The following CPSF3 variants were observed in gnomAD, a reference collection of about 807,000 sequenced individuals.
CPSF3 encodes the protein cleavage and polyadenylation specificity factor subunit 3.
CPSF3 carries 57 observed loss-of-function variants against 84.1 expected under a neutral mutation model. That is an observed-to-expected ratio of 0.68 (90% confidence interval 0.55 to 0.85). The LOEUF is 0.85. CPSF3 is among the 40% of genes least tolerant of loss of function. The probability of loss-of-function intolerance (pLI) is 0.00; values close to 1 mark genes in which losing one functional copy is unlikely to be tolerated. For synonymous variants in CPSF3, 275 were observed against 278.1 expected (o/e 0.99, Z 0.11); for missense variants, 522 against 838.8 (o/e 0.62, Z 4.66).
At position 9,430,854 on chromosome 2, in the gene CPSF3, G is replaced by C; in HGVS notation, c.315G>C (p.Trp105Cys). ...ATGCCACAAAAGCTATTTATAGATG[G>C]CTTCTTTCTGATTATGTCAAAGTTA... ...MTHATKAIYR[W>C]LLSDYVKVSN... is the part of the protein sequence containing the mutation. The change falls in exon 4 of 18, where the codon TGG becomes TGC. Residue 105 changes from tryptophan to cysteine, a missense_variant. Around this residue, in one of 2 missense-constraint regions of CPSF3, gnomAD observed 329 missense variants for 607.2 expected, o/e 0.54. Coordinates refer to ENST00000238112, the MANE Select transcript of CPSF3 (RefSeq NM_016207.4). The C allele has an allele frequency of 6.2e-7, 1 of 1,612,750 alleles. No individual in the cohort carries two copies. Among genetic ancestry groups the C allele is most frequent in the Non-Finnish European group, 8.5e-7 (1 of 1,179,002 alleles).
intron 15 of CPSF3, among the ~76,000 whole-genome samples, chr2:9,464,486 G>T (rs1681836090): frequency 6.6e-6 from 1 of 151,910 alleles, no homozygotes. Context: ...AGTAATTAAT[G>T]AAACTAATGA....
intron 7 of CPSF3, among the ~76,000 whole-genome samples, chr2:9,436,640 C>T (rs552139924): frequency 3.3e-5 from 5 of 152,140 alleles, no homozygotes. Context: ...GGCACAGTGA[C>T]AGATGCCTGT....
intron 16 of CPSF3, among the ~76,000 whole-genome samples, chr2:9,469,831 G>A (rs1558468354): frequency 6.6e-6 from 1 of 152,220 alleles, no homozygotes; most frequent in Non-Finnish European, 1.5e-5. Context: ...AGGAGTAGAT[G>A]TATTGGTTTC....
chr2:9,429,088 C>A (rs1000032243), intron 2 of CPSF3, among the ~76,000 whole-genome samples: 1 of 152,200 alleles, frequency 6.6e-6, no homozygotes, highest in African/African-American at 2.4e-5. Context: ...CTCTTCCACT[C>A]CTGAAGGGTT....
chr2:9,460,772 G>A (rs1031519150), intron 15 of CPSF3, among the ~76,000 whole-genome samples: 2 of 149,998 alleles, frequency 1.3e-5, no homozygotes, highest in Admixed American at 6.7e-5. Context: ...TCAGCCTCCT[G>A]AGTGGCTGAG....
intron 9 of CPSF3, 151 bp downstream of exon 9, chr2:9,442,127 C>T (rs753180061): frequency 1.2e-4 from 87 of 743,868 alleles, no homozygotes; most frequent in Non-Finnish European, 1.8e-4. Flanking sequence ...TAGAGATGTG[C>T]GTAGGATGTA....
chr2:9,465,542 TACACACACAC>T (rs59250489), intron 15 of CPSF3, among the ~76,000 whole-genome samples: 3 of 149,768 alleles, frequency 2.0e-5, no homozygotes, highest in African/African-American at 7.3e-5. Flanking sequence ...CCCCATATCA[TACACACACAC>T]ACACACACAC....
chr2:9,448,428 T>C, intron 11 of CPSF3, 78 bp downstream of exon 11: 1 of 1,185,768 alleles, frequency 8.4e-7, no homozygotes, highest in East Asian at 2.4e-5. Context: ...AAAATAGATC[T>C]TTAGTCAAAA....
chr2:9,461,813 G>T (rs1681736452), intron 15 of CPSF3, among the ~76,000 whole-genome samples: 1 of 142,524 alleles, frequency 7.0e-6, no homozygotes, highest in South Asian at 2.2e-4. Flanking sequence ...CCAGGCTGGA[G>T]TACAGTGGCA....
chr2:9,461,240 T>G (rs1681714976), intron 15 of CPSF3, among the ~76,000 whole-genome samples: 1 of 152,216 alleles, frequency 6.6e-6, no homozygotes, highest in South Asian at 2.1e-4. Flanking sequence ...GAGACAGCTG[T>G]GCATATATAT....
intron 16 of CPSF3, among the ~76,000 whole-genome samples, chr2:9,469,265 G>A (rs962108155): frequency 6.6e-6 from 1 of 152,132 alleles, no homozygotes; most frequent in African/African-American, 2.4e-5. Flanking sequence ...TGGGGCGGGG[G>A]CAGGGGACAC....
chr2:9,432,722 G>A, intron 5 of CPSF3, 34 bp downstream of exon 5: 1 of 1,475,284 alleles, frequency 6.8e-7, no homozygotes, highest in Non-Finnish European at 9.1e-7. Context: ...TCTCCCCAGA[G>A]AAATCAGTAC....
At chr2:9,456,614 A>G (rs1681539235) in intron 13 of CPSF3, among the ~76,000 whole-genome samples, 1 of 152,210 alleles carries the variant, frequency 6.6e-6, no homozygotes, top group Non-Finnish European at 1.5e-5. Context: ...ACAATTGACA[A>G]ATTTTATGTT....
chr2:9,473,020 C>T lies in CPSF3; in HGVS notation c.*3C>T. On this transcript the variant is annotated 3_prime_UTR_variant, in exon 18 of 18. Transcript: ENST00000238112. ...AGGCCCTGACGCCAGTTCACTGAGA[C>T]TGTGCCTGTATATGAACTTTGAAAA... The T allele has an allele frequency of 6.2e-7, 1 of 1,605,930 alleles. No individual in the cohort carries two copies. Among genetic ancestry groups the T allele is most frequent in the Non-Finnish European group, 8.5e-7 (1 of 1,173,078 alleles).
intron 7 of CPSF3, among the ~76,000 whole-genome samples, chr2:9,439,197 A>T (rs779226573): frequency 6.6e-6 from 1 of 152,256 alleles, no homozygotes; most frequent in Admixed American, 6.5e-5. Context: ...TTCACACAAT[A>T]ATCAGCCTTT....
chr2:9,455,743 T>C lies in CPSF3; in HGVS notation c.1589T>C (p.Leu530Pro). 6.2e-7 allele frequency: 1 copy of C among 1,613,024 alleles called. No homozygotes were observed. Among genetic ancestry groups the C allele is most frequent in the Non-Finnish European group, 8.5e-7 (1 of 1,179,098 alleles). The stretch of plus-strand genomic sequence containing the variant: ...CCCTTTAATTTGCTCTGTTACCAGC[T>C]GCAGAAATTGACAGGTGTGTGTGTG... ...TGPFNLLCYQ[L>P]QKLTGDVEEL... The change falls in exon 13 of 18, where the codon CTG (leucine) becomes CCG (proline). Residue 530 changes from leucine to proline, a missense_variant. Leu to Pro is a moderately conservative substitution (Grantham distance 98). This residue lies in a region of CPSF3 where 193 missense variants were observed against 231.6 expected (regional missense o/e 0.83). Transcript: ENST00000238112.
intron 8 of CPSF3, 115 bp downstream of exon 8, chr2:9,440,781 T>C: frequency 9.9e-7 from 1 of 1,007,806 alleles, no homozygotes. Context: ...TTTGGGAGTC[T>C]AAGGCAGGAG....
At chr2:9,427,492 G>A (rs1038344059) in intron 1 of CPSF3, among the ~76,000 whole-genome samples, 1 of 152,120 alleles carries the variant, frequency 6.6e-6, no homozygotes, top group Non-Finnish European at 1.5e-5. Flanking sequence ...AACATTGAGG[G>A]CCAGTTAAAG....
At chr2:9,436,642 G>C (rs113201671) in intron 7 of CPSF3, among the ~76,000 whole-genome samples, 3 of 151,846 alleles carry the variant, frequency 2.0e-5, no homozygotes, top group Non-Finnish European at 4.4e-5. Flanking sequence ...CACAGTGACA[G>C]ATGCCTGTAA....
Sources: gnomAD v4.1 joint callset for allele counts (sites outside exome capture counted in the v4.1 genomes callset) on GRCh38, gnomAD v4.1.1 for gene constraint, gnomAD v4.1.1 regional missense constraint, MANE v1.5 for transcripts, NCBI Gene and HGNC (gene_info 2026-07-23, HGNC 2026-07-21) for gene names.